Variants in SORCS3 observed in about 807,000 individuals in gnomAD.
SORCS3 encodes the protein VPS10 domain-containing receptor SorCS3.
Under a neutral mutation model 146.3 loss-of-function variants are expected in SORCS3, and 57 were observed. The observed-to-expected ratio is 0.39, with a 90% CI of 0.31 to 0.49. The LOEUF (loss-of-function observed/expected upper bound fraction) is 0.49, where lower values mean the gene tolerates loss of function less well. Ranked by LOEUF, SORCS3 falls within the 20% of genes least tolerant of loss-of-function variation. The pLI is 0.92. For missense variants in SORCS3, 1,341 were observed against 1,575.5 expected, an observed-to-expected ratio of 0.85 and a Z score of 2.52; for synonymous variants, 653 against 618.5, an observed-to-expected ratio of 1.06 and a Z score of -0.83.
chr10:104,701,697 T>C (rs893434297), intron 1 of SORCS3, among the ~76,000 whole-genome samples: 1 of 152,212 alleles, frequency 6.6e-6, no homozygotes, highest in Non-Finnish European at 1.5e-5. Flanking sequence ...TAATCCTAAG[T>C]GCAGTGGTAA....
chr10:104,985,562 T>A (rs2054957395), intron 4 of SORCS3, among the ~76,000 whole-genome samples: 1 of 152,202 alleles, frequency 6.6e-6, no homozygotes, highest in Non-Finnish European at 1.5e-5. Context: ...ATGAATGCTT[T>A]CCAGGAGGTT....
rs560217938 is a variant in SORCS3 at position 104,918,554 on chromosome 10, T to A, written c.795+2622T>A. 2.6e-5 allele frequency among the ~76,000 whole-genome samples: 4 copies of A among 152,292 alleles called. No homozygotes were observed. The South Asian group carries it at 8.3e-4, about 32-fold the overall frequency. On this transcript the variant is annotated intron_variant, in intron 3 of 26. Coordinates refer to ENST00000369701, the MANE Select transcript of SORCS3 (RefSeq NM_014978.3). ...GCCAGCAGTGATGGTTTTCAGTTCTTCTCCTGCCCTTCTCCCTTCTTGAGA... is the reference window on the plus strand; with the variant it reads ...GCCAGCAGTGATGGTTTTCAGTTCTACTCCTGCCCTTCTCCCTTCTTGAGA...
intron 16 of SORCS3, among the ~76,000 whole-genome samples, chr10:105,205,429 G>A (rs181183326): frequency 1.2e-3 from 183 of 152,222 alleles, no homozygotes; most frequent in African/African-American, 3.8e-3. Flanking sequence ...CAGCATAAGA[G>A]CCTCATAAAT....
At chr10:105,012,760 T>C (rs1255727740) in intron 4 of SORCS3, among the ~76,000 whole-genome samples, 1 of 152,156 alleles carries the variant, frequency 6.6e-6, no homozygotes, top group African/African-American at 2.4e-5. Context: ...TAGTGGACAC[T>C]ATGAAAATAT....
At chr10:105,151,789 A>C (rs187475923) in intron 9 of SORCS3, among the ~76,000 whole-genome samples, 13 of 152,080 alleles carry the variant, frequency 8.5e-5, no homozygotes, top group Admixed American at 8.5e-4. Flanking sequence ...TGCTGTAGAG[A>C]GATTCTCCTG....
Position 105,156,010 on chromosome 10 carries a change from A to T in SORCS3, c.1483-1128A>T, listed in dbSNP as rs573463538. On this transcript the variant is annotated intron_variant, in intron 9 of 26. Coordinates refer to ENST00000369701, the MANE Select transcript of SORCS3 (RefSeq NM_014978.3). ...AAATTATGTCATTTGAAAACAAAAAAATAAGCTCACTTCTGTGAAACTCTT... is the reference window on the plus strand; with the variant it reads ...AAATTATGTCATTTGAAAACAAAAATATAAGCTCACTTCTGTGAAACTCTT... Among the ~76,000 whole-genome samples, 6 of 152,344 alleles carry T rather than the reference A, an allele frequency of 3.9e-5. No individual in the cohort carries two copies. The East Asian group carries it at 1.2e-3, about 29-fold the overall frequency.
At chr10:105,191,560 G>A (rs2056517126) in intron 14 of SORCS3, among the ~76,000 whole-genome samples, 1 of 152,158 alleles carries the variant, frequency 6.6e-6, no homozygotes, top group South Asian at 2.1e-4. Flanking sequence ...TTTGAATATT[G>A]AATAACATTA....
intron 3 of SORCS3, among the ~76,000 whole-genome samples, chr10:104,973,328 A>G (rs2054873090): frequency 6.7e-6 from 1 of 150,132 alleles, no homozygotes; most frequent in African/African-American, 2.5e-5. Flanking sequence ...CTGGTCCTGG[A>G]CTCTTTTTGG....
intron 23 of SORCS3, among the ~76,000 whole-genome samples, chr10:105,255,060 C>A (rs1025050363): frequency 3.3e-5 from 5 of 149,838 alleles, no homozygotes; most frequent in Admixed American, 6.6e-5. Context: ...AGGAGGCGTG[C>A]GCTTGTAGTC....
intron 20 of SORCS3, among the ~76,000 whole-genome samples, chr10:105,232,242 C>G (rs752660773): frequency 1.3e-5 from 2 of 151,996 alleles, no homozygotes; most frequent in African/African-American, 4.8e-5. Flanking sequence ...ATTCAAATAA[C>G]CTTTTTCATC....
chr10:104,913,232 G>T (rs2018988262), intron 2 of SORCS3, among the ~76,000 whole-genome samples: 1 of 152,154 alleles, frequency 6.6e-6, no homozygotes, highest in Admixed American at 6.5e-5. Context: ...GAGGATGAAT[G>T]GGGGAGGGAG....
At chr10:105,219,306 C>G (rs1321910784) in intron 19 of SORCS3, among the ~76,000 whole-genome samples, 2 of 152,190 alleles carry the variant, frequency 1.3e-5, no homozygotes, top group Non-Finnish European at 2.9e-5. Context: ...ACACAGGACA[C>G]TCCTTTATCC....
chr10:105,059,063 A>G (rs2055465434), intron 5 of SORCS3, among the ~76,000 whole-genome samples: 1 of 152,128 alleles, frequency 6.6e-6, no homozygotes, highest in African/African-American at 2.4e-5. Context: ...CCATCTGAAC[A>G]AGCTCTCCTG....
rs541801112 is a variant in SORCS3, at chr10:104,680,272, C to A, written c.627+38318C>A. On this transcript the variant is annotated intron_variant, in intron 1 of 26. Transcript: ENST00000369701. ...GCCAGAGTTGCATAGTAAATACAAG[C>A]AAGCACATAAAACAGCATTCACACG... is the stretch of plus-strand genomic sequence containing the variant. Among the ~76,000 whole-genome samples, 7 of 152,320 alleles carry A rather than the reference C, an allele frequency of 4.6e-5. No homozygotes were observed. The East Asian group carries it at 1.3e-3, about 29-fold the overall frequency.
At chr10:104,720,873 T>A (rs1413901990) in intron 1 of SORCS3, among the ~76,000 whole-genome samples, 3 of 152,242 alleles carry the variant, frequency 2.0e-5, no homozygotes, top group African/African-American at 7.2e-5. Flanking sequence ...ATTCTGGATA[T>A]TAGCCCTTTA....
chr10:104,683,652 C>T (rs1455301737), intron 1 of SORCS3, among the ~76,000 whole-genome samples: 1 of 152,164 alleles, frequency 6.6e-6, no homozygotes, highest in African/African-American at 2.4e-5. Flanking sequence ...AGCCAAACAG[C>T]AGCTTGGAGA....
chr10:105,001,341 G>T (rs1487833577), intron 4 of SORCS3, among the ~76,000 whole-genome samples: 1 of 152,154 alleles, frequency 6.6e-6, no homozygotes, highest in Non-Finnish European at 1.5e-5. Context: ...GTAAAGTTTG[G>T]AGAAGAATCA....
At chr10:104,950,664 T>TG (rs2019419289) in intron 3 of SORCS3, among the ~76,000 whole-genome samples, 1 of 152,092 alleles carries the variant, frequency 6.6e-6, no homozygotes, top group South Asian at 2.1e-4. Context: ...ACAAGTGGCT[T>TG]GGGGAAAAGC....
At chr10:105,069,747 C>T (rs745317599) in intron 5 of SORCS3, among the ~76,000 whole-genome samples, 13 of 152,116 alleles carry the variant, frequency 8.5e-5, no homozygotes, top group Non-Finnish European at 1.8e-4. Flanking sequence ...AATGTCGTCC[C>T]TCTTATAATT....
Sources: allele counts gnomAD v4.1 joint callset (sites outside exome capture counted in the v4.1 genomes callset), GRCh38; gene constraint gnomAD v4.1.1; transcripts MANE v1.5; gene names NCBI Gene and HGNC (gene_info 2026-07-23, HGNC 2026-07-21).